Variants in USP28 observed in about 807,000 individuals in gnomAD.
The protein encoded by USP28 is ubiquitin carboxyl-terminal hydrolase 28.
In USP28, 113 loss-of-function variants were observed where a neutral mutation model predicts 145.0. The observed-to-expected ratio is 0.78, with a 90% CI of 0.67 to 0.91. The LOEUF is 0.91. USP28 is among the 40% of genes least tolerant of loss of function. The pLI, the probability that USP28 is intolerant of heterozygous loss-of-function variation, is 0.00. For synonymous variants in USP28, 447 were observed against 450.9 expected, an observed-to-expected ratio of 0.99 and a Z score of 0.11; for missense variants, 1,201 against 1,289.6, an observed-to-expected ratio of 0.93 and a Z score of 1.05.
At chr11:113,864,900 G>A (rs969582544) in intron 1 of USP28, among the ~76,000 whole-genome samples, 5 of 152,060 alleles carry the variant, frequency 3.3e-5, no homozygotes, top group Non-Finnish European at 7.4e-5. Flanking sequence ...CTGTCACCCA[G>A]GCTAGAGTAC....
chr11:113,861,820 G>A (rs1947726749), intron 1 of USP28, among the ~76,000 whole-genome samples: 1 of 152,036 alleles, frequency 6.6e-6, no homozygotes, highest in Non-Finnish European at 1.5e-5. Flanking sequence ...TTGAATACAT[G>A]TTCCAACTAA....
At chr11:113,854,553 C>CA (rs1565478288) in intron 1 of USP28, among the ~76,000 whole-genome samples, 1 of 152,180 alleles carries the variant, frequency 6.6e-6, no homozygotes, top group African/African-American at 2.4e-5. Context: ...AGGCACAGGC[C>CA]ACCACGCCCA....
At chr11:113,870,356 G>A (rs116842426) in intron 1 of USP28, among the ~76,000 whole-genome samples, 18,206 of 151,956 alleles carry the variant, frequency 0.12, 1,097 homozygotes, top group Middle Eastern at 0.17. Context: ...GCAAGACCTC[G>A]TCTCTATAAA....
chr11:113,804,665 C>G lies in USP28; in HGVS notation c.2658+8G>C, dbSNP rs771689278. 3 of 1,608,888 alleles carry G rather than the reference C, an allele frequency of 1.9e-6. No individual in the cohort carries two copies. The Admixed American group carries it at 5.1e-5, about 27-fold the overall frequency. Reference sequence around the variant, plus strand: ...TTTTGCTCTATAGACTTAAAGAAAACACTTTACCTTGTACTCTTCCATATT... The same window carrying G: ...TTTTGCTCTATAGACTTAAAGAAAAGACTTTACCTTGTACTCTTCCATATT... On this transcript the variant is annotated splice_region_variant and intron_variant, in intron 21 of 24. Transcript: ENST00000003302.
chr11:113,801,743 A>G lies in USP28; in HGVS notation c.2863-65T>C, dbSNP rs939198879. 8.9e-6 allele frequency: 12 copies of G among 1,354,078 alleles called. 1 individual carries two copies. The highest frequency in any genetic ancestry group is 8.6e-5 in the African/African-American group (6 of 69,608). 83.9% of individuals were successfully genotyped at this position (1,354,078 alleles called of 1,614,324 possible). A position where few individuals can be genotyped will look rare whatever the true frequency, so the allele number is the denominator to read the frequency against. On this transcript the variant is annotated intron_variant, in intron 23 of 24. Transcript: ENST00000003302. Reference sequence around the variant, plus strand: ...AAAAGATAAATATCTCTTTAATAACAGTCTAAACAAGTGGTTCCCAAACTT... The same window carrying G: ...AAAAGATAAATATCTCTTTAATAACGGTCTAAACAAGTGGTTCCCAAACTT...
At chr11:113,812,207 C>T (rs987756499) in intron 16 of USP28, 69 bp downstream of exon 16, 1 of 1,207,534 alleles carries the variant, frequency 8.3e-7, no homozygotes, top group African/African-American at 1.5e-5. Flanking sequence ...AAAAGCAGTA[C>T]AAGACTGTTC....
At chr11:113,862,095 C>T (rs1409031224) in intron 1 of USP28, among the ~76,000 whole-genome samples, 1 of 152,092 alleles carries the variant, frequency 6.6e-6, no homozygotes, top group African/African-American at 2.4e-5. Flanking sequence ...GCCTGTAATC[C>T]CAGCACTTTA....
At chr11:113,855,879 T>C (rs1946996289) in intron 1 of USP28, among the ~76,000 whole-genome samples, 1 of 152,150 alleles carries the variant, frequency 6.6e-6, no homozygotes, top group Non-Finnish European at 1.5e-5. Flanking sequence ...GCATTGCAAC[T>C]CTAGCCTGGG....
intron 7 of USP28, 117 bp downstream of exon 7, chr11:113,833,303 G>C: frequency 7.3e-7 from 1 of 1,374,452 alleles, no homozygotes; most frequent in African/African-American, 1.4e-5. Flanking sequence ...TCAGAAACGA[G>C]CATCCATAGT....
rs1565399080 is a variant in USP28 at position 113,827,316 on chromosome 11, TGA to T, written c.1102_1103del (p.Ser368LysfsTer3). The stretch of plus-strand genomic sequence containing the variant: ...CAAGGGACTGATTAAACTCAAATCT[TGA>T]GAGTTCAAAGGTCAACACTGGAGGT... On this transcript the variant is annotated frameshift_variant, in exon 11 of 25. Coordinates refer to ENST00000003302, the Ensembl canonical transcript of USP28. LOFTEE classifies it high-confidence loss of function. 6.2e-7 allele frequency: 1 copy of T among 1,612,336 alleles called. No individual in the cohort carries two copies. Among genetic ancestry groups the T allele is most frequent in the Non-Finnish European group, 8.5e-7 (1 of 1,179,342 alleles).
intron 15 of USP28, chr11:113,813,654 T>C: frequency 2.1e-6 from 1 of 484,750 alleles, no homozygotes; most frequent in Non-Finnish European, 3.6e-6. Context: ...TATGAAAAAA[T>C]TCCATGTGGC....
chr11:113,821,915 G>C (rs1031516729), intron 12 of USP28: 14 of 152,322 alleles, frequency 9.2e-5, no homozygotes, highest in African/African-American at 3.4e-4. Context: ...GTGTGAGGGT[G>C]GGGTGGGGGA....
At chr11:113,800,378 C>T (rs928070781) in intron 24 of USP28, among the ~76,000 whole-genome samples, 1 of 152,100 alleles carries the variant, frequency 6.6e-6, no homozygotes, top group East Asian at 1.9e-4. Flanking sequence ...TCTTGGGTCA[C>T]TGTAGCCTCG....
At chr11:113,807,754 T>C (rs1283832655) in intron 18 of USP28, among the ~76,000 whole-genome samples, 197 bp downstream of exon 19, 12 of 152,188 alleles carry the variant, frequency 7.9e-5, no homozygotes, top group Admixed American at 6.5e-5. Flanking sequence ...GATATACATA[T>C]GCTGGGAGCG....
At chr11:113,837,356 T>A (rs1313292081) in intron 5 of USP28, among the ~76,000 whole-genome samples, 5 of 152,208 alleles carry the variant, frequency 3.3e-5, no homozygotes, top group Non-Finnish European at 5.9e-5. Flanking sequence ...TATGGAGATC[T>A]CTCGGCTTCT....
intron 18 of USP28, among the ~76,000 whole-genome samples, chr11:113,807,502 T>C (rs928751712): frequency 1.4e-4 from 22 of 152,186 alleles, no homozygotes; most frequent in African/African-American, 5.1e-4. Flanking sequence ...TGGGGTTCTA[T>C]AGCTTCTTCC....
At chr11:113,849,018 C>A (rs1045585923) in intron 3 of USP28, among the ~76,000 whole-genome samples, 1 of 152,186 alleles carries the variant, frequency 6.6e-6, no homozygotes. Flanking sequence ...TAATTGAGGA[C>A]ATAAAATAAT....
chr11:113,867,787 A>AAAGGAAAGAAGGAAAG (rs140382982), intron 1 of USP28, among the ~76,000 whole-genome samples: 2 of 137,178 alleles, frequency 1.5e-5, no homozygotes, highest in Non-Finnish European at 3.1e-5. Flanking sequence ...TCCCCACACA[A>AAAGGAAAGAAGGAAAG]AAGGAAAGAA....
chr11:113,835,992 C>G (rs538036219), intron 5 of USP28, among the ~76,000 whole-genome samples: 1 of 152,240 alleles, frequency 6.6e-6, no homozygotes, highest in East Asian at 1.9e-4. Flanking sequence ...GCAGGAGAAT[C>G]GCTTGAACCC....
Sources: allele counts gnomAD v4.1 joint callset (sites outside exome capture counted in the v4.1 genomes callset), GRCh38; gene constraint gnomAD v4.1.1; transcripts MANE v1.5; gene names NCBI Gene and HGNC (gene_info 2026-07-23, HGNC 2026-07-21).